The following GAB3 variants were observed in gnomAD, a reference collection of about 807,000 sequenced individuals.
GAB3 encodes the protein GRB2 associated binding protein 3.
A neutral mutation model predicts 40.4 loss-of-function variants in GAB3; 12 were observed. That is an observed-to-expected ratio of 0.30 (90% CI 0.19 to 0.48). The LOEUF is 0.48. Among genes scored for constraint, GAB3 ranks in the 20% least tolerant of loss-of-function variants. The probability of loss-of-function intolerance (pLI) is 0.99; values close to 1 mark genes in which losing one functional copy is unlikely to be tolerated. For synonymous variants in GAB3, 154 were observed against 176.7 expected, an observed-to-expected ratio of 0.87 and a Z score of 1.02; for missense variants, 381 against 461.9, an observed-to-expected ratio of 0.82 and a Z score of 1.61.
upstream of GAB3, among the ~76,000 whole-genome samples, chrX:154,751,245 G>T: frequency 1.1e-5 from 1 of 88,835 alleles, no homozygotes; most frequent in Middle Eastern, 6.4e-3. Flanking sequence ...AGCCTGGGAA[G>T]CCCCTTCGAG....
chrX:154,739,440 C>G (rs2071406398), intron 1 of GAB3, among the ~76,000 whole-genome samples: 1 of 111,825 alleles, frequency 8.9e-6, no homozygotes, highest in Non-Finnish European at 1.9e-5. Context: ...ACGGATGGAA[C>G]TGGAGGTTAT....
chrX:154,749,417 G>A (rs2071577944), intron 1 of GAB3, among the ~76,000 whole-genome samples: 1 of 112,687 alleles, frequency 8.9e-6, no homozygotes, highest in Admixed American at 9.3e-5. Flanking sequence ...AACCCATCCT[G>A]AGTCAACACT....
intron 4 of GAB3, among the ~76,000 whole-genome samples, chrX:154,701,892 G>C (rs1482550081): frequency 9.0e-6 from 1 of 111,704 alleles, no homozygotes; most frequent in African/African-American, 3.3e-5. Context: ...AATATTCCAT[G>C]TTCATGTACT....
At position 154,712,440 on chromosome X, in the gene GAB3, C is replaced by G; in HGVS notation, c.858G>C (p.Gln286His). 1 of 1,211,184 alleles carries G rather than the reference C, an allele frequency of 8.3e-7. No homozygotes were observed. The highest frequency in any genetic ancestry group is 1.8e-5 in the South Asian group (1 of 56,955). Residue 286 changes from glutamine to histidine, a missense_variant, in exon 4 of 10, where the codon CAG becomes CAC. By Grantham distance (24) the Gln-to-His change is conservative (BLOSUM62 0). Around this residue, in one of 2 missense-constraint regions of GAB3, gnomAD observed 364 missense variants for 421.0 expected, o/e 0.86. Transcript: ENST00000424127. Reference protein sequence around the residue: ...LLESSLSSTIQVDKNQGSLPC... With the variant: ...LLESSLSSTIHVDKNQGSLPC... ...GTAAGGAACCTTGATTTTTATCTACCTGAATGGTGGAACTTAAGGAACTTT... is the reference window on the plus strand; with the variant it reads ...GTAAGGAACCTTGATTTTTATCTACGTGAATGGTGGAACTTAAGGAACTTT...
At chrX:154,741,399 C>T (rs1407086835) in intron 1 of GAB3, among the ~76,000 whole-genome samples, 2 of 111,226 alleles carry the variant, frequency 1.8e-5, no homozygotes, top group Non-Finnish European at 3.8e-5. Context: ...AAGGTTGGGC[C>T]GGGCATGGTG....
At chrX:154,728,895 GATGGAACAGTTCAGTAT>G (rs1329859351) in intron 1 of GAB3, among the ~76,000 whole-genome samples, 5 of 112,394 alleles carry the variant, frequency 4.4e-5, no homozygotes, top group Non-Finnish European at 7.5e-5. Context: ...GGATCTTTGT[GATGGAACAGTTCAGTAT>G]TGGTTTCAGT....
At chrX:154,725,528 TCA>T (rs2071200608) in intron 1 of GAB3, among the ~76,000 whole-genome samples, 1 of 110,963 alleles carries the variant, frequency 9.0e-6, no homozygotes. Context: ...CATGGCTATC[TCA>T]CAGAGTTGAG....
At chrX:154,678,793 G>A (rs1292277273) in intron 9 of GAB3, among the ~76,000 whole-genome samples, 2 of 111,752 alleles carry the variant, frequency 1.8e-5, no homozygotes, top group African/African-American at 6.5e-5. Flanking sequence ...ATGTGAAAAA[G>A]GATGTGTTTC....
chrX:154,692,127 C>T (rs945752628), intron 8 of GAB3, among the ~76,000 whole-genome samples: 1 of 111,406 alleles, frequency 9.0e-6, no homozygotes, highest in Admixed American at 9.5e-5. Context: ...ATGGATATGA[C>T]GCCAAAAGCA....
chrX:154,689,667 C>T (rs367588782), intron 8 of GAB3, among the ~76,000 whole-genome samples: 2 of 111,002 alleles, frequency 1.8e-5, no homozygotes, highest in Non-Finnish European at 1.9e-5. Context: ...CCATTCACAA[C>T]TGCTTCAAAG....
intron 8 of GAB3, among the ~76,000 whole-genome samples, chrX:154,692,438 C>G (rs1224515951): frequency 1.8e-5 from 2 of 112,033 alleles, no homozygotes; most frequent in Non-Finnish European, 3.8e-5. Flanking sequence ...TAGGGAAATG[C>G]AAATGAAAAC....
chrX:154,710,338 GACCCTA>G, intron 4 of GAB3, among the ~76,000 whole-genome samples: 1 of 111,410 alleles, frequency 9.0e-6, no homozygotes, highest in Non-Finnish European at 1.9e-5. Flanking sequence ...CTGTAAAATT[GACCCTA>G]GAATAGCCAT....
intron 1 of GAB3, among the ~76,000 whole-genome samples, chrX:154,748,180 A>G (rs187905073): frequency 1.5e-3 from 164 of 112,770 alleles, no homozygotes; most frequent in African/African-American, 4.9e-3. Flanking sequence ...GGAATATTTG[A>G]CAATGCTTTA....
intron 8 of GAB3, among the ~76,000 whole-genome samples, chrX:154,694,535 C>T (rs1022755491): frequency 2.6e-4 from 29 of 110,304 alleles, no homozygotes; most frequent in Non-Finnish European, 4.6e-4. Context: ...TACAGGCGCC[C>T]GCCACCACGC....
At chrX:154,701,478 C>T (rs1343405405) in intron 4 of GAB3, among the ~76,000 whole-genome samples, 1 of 112,278 alleles carries the variant, frequency 8.9e-6, no homozygotes, top group East Asian at 2.8e-4. Context: ...CACTTTTTCT[C>T]TTATATGACA....
At chrX:154,693,732 G>C (rs1319586820) in intron 8 of GAB3, among the ~76,000 whole-genome samples, 1 of 111,497 alleles carries the variant, frequency 9.0e-6, no homozygotes, top group African/African-American at 3.3e-5. Flanking sequence ...TTCACTGTAT[G>C]ATGTAAAAAT....
intron 4 of GAB3, 30 bp from the exon 5 acceptor site, chrX:154,700,089 A>T: frequency 8.9e-7 from 1 of 1,124,293 alleles, no homozygotes; most frequent in Non-Finnish European, 1.2e-6. Context: ...GTGGTGAGAA[A>T]TGCAGAACAA....
chrX:154,716,177 A>G lies in GAB3; in HGVS notation c.225T>C (p.Phe75=). ...CAVWKHVGPS[F]VRKEFQNNFV... The stretch of plus-strand genomic sequence containing the variant: ...AATTATTCTGAAATTCCTTCCGAAC[A>G]AAGCTGGGGCCCACATGCTTCCACA... The change falls in exon 2 of 10, where the codon TTT becomes TTC. Residue 75 remains phenylalanine, a synonymous_variant. Transcript: ENST00000424127. 8.2e-7 allele frequency: 1 copy of G among 1,212,452 alleles called. No homozygotes were observed. The highest frequency in any genetic ancestry group is 1.1e-6 in the Non-Finnish European group (1 of 895,672).
chrX:154,751,136 C>T, upstream of GAB3: 1 of 689,847 alleles, frequency 1.4e-6, no homozygotes, highest in African/African-American at 2.4e-5. Context: ...CAGCGCCGCC[C>T]CGAGCGGCCG....
Sources: allele counts gnomAD v4.1 joint callset (sites outside exome capture counted in the v4.1 genomes callset), GRCh38; gene constraint gnomAD v4.1.1; regional missense constraint gnomAD v4.1.1; transcripts MANE v1.5; gene names NCBI Gene and HGNC (gene_info 2026-07-23, HGNC 2026-07-21).